ELSPBP1: variants seen among roughly 807,000 people sequenced by gnomAD.
ELSPBP1 encodes epididymal sperm-binding protein 1.
ELSPBP1 carries 38 observed loss-of-function variants against 33.3 expected under a neutral mutation model. That is an observed-to-expected ratio of 1.14 (90% CI 0.88 to 1.50). The LOEUF (loss-of-function observed/expected upper bound fraction) is 1.50, where lower values mean the gene tolerates loss of function less well. ELSPBP1 is among the 40% of genes most tolerant of loss of function. ELSPBP1 has a pLI of 0.00. For synonymous variants in ELSPBP1, 85 were observed against 94.1 expected, an observed-to-expected ratio of 0.90 and a Z score of 0.56; for missense variants, 267 against 263.5, an observed-to-expected ratio of 1.01 and a Z score of -0.09.
rs961690367 is a variant in ELSPBP1 at position 48,011,670 on chromosome 19, CTGA to C, written c.71-2495_71-2493del. Among the ~76,000 whole-genome samples, 125 of 148,716 alleles carry C rather than the reference CTGA, an allele frequency of 8.4e-4. No homozygotes were observed. Among genetic ancestry groups the C allele is most frequent in the African/African-American group, 2.9e-3 (117 of 40,392 alleles). ...CCTGATGACAATGACAATAATGAGACTGATGATGGTGACAATGACTGATGATGA... is the reference window on the plus strand; with the variant it reads ...CCTGATGACAATGACAATAATGAGACTGATGGTGACAATGACTGATGATGA... On this transcript the variant is annotated intron_variant, in intron 2 of 6. Coordinates refer to ENST00000339841, the MANE Select transcript of ELSPBP1 (RefSeq NM_022142.5). The surrounding 1 kb of genome is among the most constrained non-coding windows in gnomAD (Gnocchi z 4.5).
At chr19:48,023,800 C>G (rs1341721115) in intron 6 of ELSPBP1, among the ~76,000 whole-genome samples, 1 of 152,044 alleles carries the variant, frequency 6.6e-6, no homozygotes, top group Non-Finnish European at 1.5e-5. Flanking sequence ...CTCCACAGAA[C>G]CAACTTTATC....
At chr19:48,016,087 A>G (rs777639322) in intron 4 of ELSPBP1, 48 bp downstream of exon 4, 1 of 1,601,806 alleles carries the variant, frequency 6.2e-7, no homozygotes, top group Non-Finnish European at 8.5e-7. Context: ...GGGAGAGTGG[A>G]CAGCATGGAT....
intron 1 of ELSPBP1, among the ~76,000 whole-genome samples, chr19:48,001,715 T>TTC (rs377370646): frequency 2.0e-5 from 3 of 149,122 alleles, no homozygotes; most frequent in African/African-American, 7.4e-5. Flanking sequence ...TTTTCTTTCT[T>TTC]TTTTTTTTTA....
intron 4 of ELSPBP1, among the ~76,000 whole-genome samples, chr19:48,016,876 G>A (rs1256185086): frequency 6.6e-6 from 1 of 152,120 alleles, no homozygotes; most frequent in African/African-American, 2.4e-5. Flanking sequence ...TAGGATTACA[G>A]GCATGAGGCA....
At chr19:48,015,203 G>A (rs2122321468) in intron 3 of ELSPBP1, among the ~76,000 whole-genome samples, 1 of 152,296 alleles carries the variant, frequency 6.6e-6, no homozygotes, top group South Asian at 2.1e-4. Context: ...AAGTGGGAAT[G>A]GATCAGCATA....
intron 4 of ELSPBP1, among the ~76,000 whole-genome samples, chr19:48,016,973 C>T (rs934773056): frequency 9.9e-5 from 15 of 152,142 alleles, no homozygotes; most frequent in African/African-American, 3.6e-4. Context: ...GACCAAAATT[C>T]ATTGAATGTC....
intron 2 of ELSPBP1, among the ~76,000 whole-genome samples, chr19:48,013,878 G>A (rs749115394): frequency 5.9e-5 from 9 of 152,136 alleles, no homozygotes; most frequent in Non-Finnish European, 1.3e-4. Context: ...CTGGTTCACA[G>A]ATGGTGCCTT....
At chr19:48,008,996 C>G (rs1168891620) in intron 2 of ELSPBP1, among the ~76,000 whole-genome samples, 2 of 151,948 alleles carry the variant, frequency 1.3e-5, no homozygotes, top group Non-Finnish European at 2.9e-5. Flanking sequence ...ATTAGCCAGG[C>G]ATGGTGGTGA....
chr19:48,004,981 G>A (rs1967003228), intron 1 of ELSPBP1, among the ~76,000 whole-genome samples: 1 of 152,140 alleles, frequency 6.6e-6, no homozygotes, highest in South Asian at 2.1e-4. Flanking sequence ...AGGATGGCTT[G>A]GGCTCAGGAG....
At chr19:48,016,556 CTTCCTTCCTTCCTCCCTTCA>C (rs1568407556) in intron 4 of ELSPBP1, among the ~76,000 whole-genome samples, 1 of 99,962 alleles carries the variant, frequency 1.0e-5, no homozygotes, top group Non-Finnish European at 2.1e-5. Flanking sequence ...TCCTTCCTTC[CTTCCTTCCTTCCTCCCTTCA>C]TCTCTCTCTT....
At chr19:48,021,771 G>T (rs79408282) in intron 5 of ELSPBP1, among the ~76,000 whole-genome samples, 2 of 151,950 alleles carry the variant, frequency 1.3e-5, no homozygotes, top group Non-Finnish European at 2.9e-5. Flanking sequence ...TTTAGAGACC[G>T]GATCTCCATC....
At position 48,016,515 on chromosome 19, in the gene ELSPBP1, TCTTTCTTTCTTTCTTCCTTC is replaced by T. The variant is rs1290942567; in HGVS notation, c.355+480_355+499del. ...TTCTTTCTTTCTTTCTTTCTTTCTT[TCTTTCTTTCTTTCTTCCTTC>T]CTTCCTTCCTTCCTTCCTTCCTTCC... On this transcript the variant is annotated intron_variant, in intron 4 of 6. Coordinates refer to ENST00000339841, the MANE Select transcript of ELSPBP1 (RefSeq NM_022142.5). Among the ~76,000 whole-genome samples the T allele has an allele frequency of 2.5e-3, 176 of 71,238 alleles. 1 individual carries two copies. The highest frequency in any genetic ancestry group is 3.8e-3 in the South Asian group (8 of 2,078). The allele number at this position is 71,238 out of a possible 152,430, so 46.7% of individuals were successfully genotyped here.
At chr19:47,998,892 C>T (rs980606855) in intron 1 of ELSPBP1, among the ~76,000 whole-genome samples, 2 of 152,160 alleles carry the variant, frequency 1.3e-5, no homozygotes, top group African/African-American at 4.8e-5. Context: ...GTAAACACAC[C>T]GCGCATGCTC....
At chr19:48,017,290 C>T (rs1418911377) in intron 4 of ELSPBP1, among the ~76,000 whole-genome samples, 1 of 152,142 alleles carries the variant, frequency 6.6e-6, no homozygotes, top group Non-Finnish European at 1.5e-5. Flanking sequence ...GTTCCCTTAG[C>T]ACTCAACAAA....
At chr19:48,023,821 T>G (rs1890478547) in intron 6 of ELSPBP1, among the ~76,000 whole-genome samples, 1 of 151,982 alleles carries the variant, frequency 6.6e-6, no homozygotes, top group South Asian at 2.1e-4. Flanking sequence ...CCTCTTTTCT[T>G]TTTTTCTTTT....
At chr19:48,018,839 T>C (rs1387579905) in intron 4 of ELSPBP1, among the ~76,000 whole-genome samples, 1 of 151,998 alleles carries the variant, frequency 6.6e-6, no homozygotes, top group Non-Finnish European at 1.5e-5. Context: ...AGTTTATTGC[T>C]CACTTCCTTG....
rs371135004 is a variant in ELSPBP1, at chr19:48,011,442, T to A, written c.70+2705T>A. 0.034 allele frequency among the ~76,000 whole-genome samples: 2,438 copies of A among 71,144 alleles called. 75 individuals are homozygous for A. Among genetic ancestry groups the A allele is most frequent in the African/African-American group, 0.11 (2,315 of 20,194 alleles). 46.7% of individuals were successfully genotyped at this position (71,144 alleles called of 152,430 possible). A position where few individuals can be genotyped will look rare whatever the true frequency, so the allele number is the denominator to read the frequency against. On this transcript the variant is annotated intron_variant, in intron 2 of 6. Coordinates refer to ENST00000339841, the MANE Select transcript of ELSPBP1 (RefSeq NM_022142.5). This position sits in a 1 kb window ranked among gnomAD's most constrained non-coding sequence, Gnocchi z 4.5. ...ATGAGGAGGAGAATAATGATCACGATGACAGTGATGATGATGACAATGACA... is the reference window on the plus strand; with the variant it reads ...ATGAGGAGGAGAATAATGATCACGAAGACAGTGATGATGATGACAATGACA...
intron 1 of ELSPBP1, among the ~76,000 whole-genome samples, chr19:48,004,554 C>G (rs1260519200): frequency 6.6e-6 from 1 of 152,092 alleles, no homozygotes; most frequent in African/African-American, 2.4e-5. Flanking sequence ...CTGGATGTAT[C>G]CCCCACCCCC....
intron 1 of ELSPBP1, among the ~76,000 whole-genome samples, chr19:47,998,517 T>C (rs1966933939): frequency 6.6e-6 from 1 of 152,130 alleles, no homozygotes; most frequent in African/African-American, 2.4e-5. Flanking sequence ...CGGGGCGCGG[T>C]GGCTCACGCC....
Sources: gnomAD v4.1 joint callset for allele counts (sites outside exome capture counted in the v4.1 genomes callset) on GRCh38, gnomAD v4.1.1 for gene constraint, Gnocchi (gnomAD v3.1) non-coding constraint, MANE v1.5 for transcripts, NCBI Gene and HGNC (gene_info 2026-07-23, HGNC 2026-07-21) for gene names.